LPP: variants seen among roughly 807,000 people sequenced by gnomAD.
LPP encodes LIM domain containing preferred translocation partner in lipoma.
In LPP, 38 loss-of-function variants were observed where a neutral mutation model predicts 60.4. The ratio of observed to expected loss-of-function variants is 0.63; its 90% CI spans 0.49 to 0.83. LPP has a LOEUF of 0.83. LPP is among the 40% of genes least tolerant of loss of function. The pLI is 0.00. For missense variants in LPP, 902 were observed against 783.6 expected (o/e 1.15, Z -1.80); for synonymous variants, 328 against 290.8 (o/e 1.13, Z -1.30).
At chr3:188,269,922 A>G (rs1737115696) in intron 2 of LPP, among the ~76,000 whole-genome samples, 1 of 152,174 alleles carries the variant, frequency 6.6e-6, no homozygotes, top group African/African-American at 2.4e-5. Context: ...TGCTGGGATT[A>G]CAGGTGGGAG....
At chr3:188,429,122 T>C (rs1212612298) in intron 4 of LPP, among the ~76,000 whole-genome samples, 2 of 152,188 alleles carry the variant, frequency 1.3e-5, no homozygotes, top group African/African-American at 4.8e-5. Flanking sequence ...CCTTTCATCA[T>C]TATATTGACA....
intron 5 of LPP, among the ~76,000 whole-genome samples, chr3:188,492,978 T>G (rs1207893874): frequency 6.6e-6 from 1 of 152,238 alleles, no homozygotes; most frequent in Non-Finnish European, 1.5e-5. Context: ...AGTAATAAAC[T>G]GTAACTTTTA....
intron 9 of LPP, among the ~76,000 whole-genome samples, chr3:188,822,958 A>G (rs1166074836): frequency 6.6e-6 from 1 of 152,038 alleles, no homozygotes; most frequent in Admixed American, 6.6e-5. Context: ...ACTTTTTATT[A>G]GGGCAGGTTT....
chr3:188,158,400 G>A (rs1409621680), intron 1 of LPP, among the ~76,000 whole-genome samples: 1 of 152,168 alleles, frequency 6.6e-6, no homozygotes, highest in East Asian at 1.9e-4. Flanking sequence ...GGGAAGGGTG[G>A]AAGGATTTCA....
chr3:188,429,478 T>C (rs186237174), intron 4 of LPP, among the ~76,000 whole-genome samples: 58 of 152,318 alleles, frequency 3.8e-4, no homozygotes, highest in Non-Finnish European at 6.2e-4. Flanking sequence ...TAGGTTTGCA[T>C]TGGCCTTACT....
chr3:188,376,442 C>A (rs1223529937), intron 3 of LPP, among the ~76,000 whole-genome samples: 1 of 152,074 alleles, frequency 6.6e-6, no homozygotes, highest in African/African-American at 2.4e-5. Flanking sequence ...TTGAATTGAT[C>A]CCTTTACAAT....
chr3:188,687,609 A>G (rs575474459), intron 7 of LPP, among the ~76,000 whole-genome samples: 1 of 152,202 alleles, frequency 6.6e-6, no homozygotes, highest in Non-Finnish European at 1.5e-5. Flanking sequence ...CGGAACTGTG[A>G]GTCAGTTAAA....
chr3:188,187,301 C>T (rs956283647), intron 1 of LPP, among the ~76,000 whole-genome samples: 3 of 152,016 alleles, frequency 2.0e-5, no homozygotes, highest in African/African-American at 4.8e-5. Flanking sequence ...GTTTCATTTC[C>T]TTTTCTGGGG....
intron 1 of LPP, among the ~76,000 whole-genome samples, chr3:188,154,607 C>T (rs1413452201): frequency 6.6e-6 from 1 of 152,242 alleles, no homozygotes; most frequent in Non-Finnish European, 1.5e-5. Context: ...AGACCCAGTC[C>T]TCCAAGTCCT....
chr3:188,473,526 C>A (rs1287058784), intron 4 of LPP, among the ~76,000 whole-genome samples: 1 of 152,192 alleles, frequency 6.6e-6, no homozygotes, highest in East Asian at 1.9e-4. Context: ...GGGTCCCGAC[C>A]CCAAAGATTC....
chr3:188,562,632 T>A (rs1024250326), intron 6 of LPP, among the ~76,000 whole-genome samples: 15 of 152,144 alleles, frequency 9.9e-5, no homozygotes, highest in Admixed American at 9.2e-4. Context: ...CCTTGAAATG[T>A]AACGTGCGGC....
chr3:188,661,984 C>G (rs1332655195), intron 7 of LPP, among the ~76,000 whole-genome samples: 1 of 152,174 alleles, frequency 6.6e-6, no homozygotes, highest in African/African-American at 2.4e-5. Context: ...TTGCAGTGCA[C>G]TTGCACAAAC....
intron 4 of LPP, among the ~76,000 whole-genome samples, chr3:188,480,146 G>A (rs181711518): frequency 5.3e-4 from 81 of 152,320 alleles, no homozygotes; most frequent in African/African-American, 1.9e-3. Context: ...GAGAAAATAT[G>A]CATAGCTAGG....
At chr3:188,555,954 A>G (rs191417859) in intron 6 of LPP, among the ~76,000 whole-genome samples, 1 of 152,256 alleles carries the variant, frequency 6.6e-6, no homozygotes, top group East Asian at 1.9e-4. Flanking sequence ...AGGAACTATT[A>G]AAGAATGCTT....
intron 2 of LPP, among the ~76,000 whole-genome samples, chr3:188,239,643 G>A (rs966066231): frequency 1.3e-5 from 2 of 151,918 alleles, no homozygotes; most frequent in Non-Finnish European, 2.9e-5. Flanking sequence ...CTGAACTTGG[G>A]GCCCATTGTT....
chr3:188,337,497 C>T (rs1210839011), intron 2 of LPP, among the ~76,000 whole-genome samples: 3 of 152,182 alleles, frequency 2.0e-5, no homozygotes, highest in Non-Finnish European at 4.4e-5. Context: ...CTCCCTGTTT[C>T]CAGCAGATCC....
intron 1 of LPP, among the ~76,000 whole-genome samples, chr3:188,201,789 TG>T (rs1334652548): frequency 6.6e-6 from 1 of 152,046 alleles, no homozygotes; most frequent in Admixed American, 6.6e-5. Context: ...ATTTAGTGGT[TG>T]GGGCCAGGGA....
Position 188,662,916 on chromosome 3 carries a change from A to G in LPP, c.1114-45351A>G, listed in dbSNP as rs1201467490. On this transcript the variant is annotated intron_variant, in intron 7 of 11. Transcript: ENST00000617246. ...TCTGAGTAATGCGAAGAAAAGATCA[A>G]ATTCCCTGTTGTACTACCTGTGTCA... 2.6e-5 allele frequency among the ~76,000 whole-genome samples: 4 copies of G among 152,268 alleles called. No homozygotes were observed. The East Asian group carries it at 5.8e-4, about 22-fold the overall frequency.
chr3:188,537,605 G>A (rs569092619), intron 6 of LPP, among the ~76,000 whole-genome samples: 97 of 152,230 alleles, frequency 6.4e-4, no homozygotes, highest in Non-Finnish European at 2.9e-4. Flanking sequence ...TATTAAAGAA[G>A]CCCTAAATCT....
Sources: allele counts gnomAD v4.1 joint callset (sites outside exome capture counted in the v4.1 genomes callset), GRCh38; gene constraint gnomAD v4.1.1; transcripts MANE v1.5; gene names NCBI Gene and HGNC (gene_info 2026-07-23, HGNC 2026-07-21).